The following SCAF4 variants were observed in gnomAD, a reference collection of about 807,000 sequenced individuals.
The protein encoded by SCAF4 is SR-related and CTD-associated factor 4.
SCAF4 carries 25 observed loss-of-function variants against 129.8 expected under a neutral mutation model. That is an observed-to-expected ratio of 0.19 (90% confidence interval 0.14 to 0.27). The LOEUF is 0.27. SCAF4 is among the 10% of genes least tolerant of loss of function. SCAF4 has a pLI of 1.00. For missense variants in SCAF4, 1,246 were observed against 1,457.1 expected (o/e 0.86, Z 2.36); for synonymous variants, 551 against 497.7 (o/e 1.11, Z -1.43).
At chr21:31,679,762 T>G (rs1362675959) in intron 19 of SCAF4, among the ~76,000 whole-genome samples, 1 of 152,196 alleles carries the variant, frequency 6.6e-6, no homozygotes, top group Non-Finnish European at 1.5e-5. Context: ...TAAGTGAAAT[T>G]GGAGAATGAT....
intron 16 of SCAF4, among the ~76,000 whole-genome samples, chr21:31,687,817 A>T (rs2050161633): frequency 6.6e-6 from 1 of 152,106 alleles, no homozygotes; most frequent in Non-Finnish European, 1.5e-5. Flanking sequence ...GGTTGTATAA[A>T]CATTTATGGG....
At chr21:31,703,701 C>T (rs2050587910) in intron 4 of SCAF4, 64 bp downstream of exon 4, 1 of 907,520 alleles carries the variant, frequency 1.1e-6, no homozygotes, top group Non-Finnish European at 1.6e-6. Context: ...CTCCAAATAT[C>T]TAACATACAT....
rs781104536 is a variant in SCAF4, at chr21:31,685,444, T to C, written c.2250A>G (p.Pro750=). The C allele has an allele frequency of 2.7e-5, 43 of 1,613,598 alleles. 1 individual carries two copies. The South Asian group carries it at 4.6e-4, about 17-fold the overall frequency. ...PPGPPPPITP[P]VSIPPPHTPP... ...GAGTGTGAGGAGGAGGAATGGATAC[T>C]GGTGGAGTTATAGGAGGTGGGGGTC... is the stretch of plus-strand genomic sequence containing the variant. Residue 750 remains proline (P), a synonymous_variant, in exon 18 of 20, where the codon CCA becomes CCG. Transcript: ENST00000286835.
intron 9 of SCAF4, among the ~76,000 whole-genome samples, chr21:31,695,852 C>T (rs1475566027): frequency 2.0e-5 from 3 of 152,098 alleles, no homozygotes; most frequent in Admixed American, 6.5e-5. Flanking sequence ...CTAAACAGGT[C>T]GGTTTCTTCA....
intron 19 of SCAF4, among the ~76,000 whole-genome samples, chr21:31,678,048 C>G (rs1012414112): frequency 1.2e-4 from 19 of 152,164 alleles, no homozygotes; most frequent in African/African-American, 4.3e-4. Flanking sequence ...CACCACTTCT[C>G]TATTTACATT....
chr21:31,686,611 T>A (rs1262940136), intron 16 of SCAF4, among the ~76,000 whole-genome samples: 1 of 151,886 alleles, frequency 6.6e-6, no homozygotes, highest in Non-Finnish European at 1.5e-5. Flanking sequence ...TTTTTTAAGA[T>A]AAATTTTAAC....
chr21:31,689,415 A>T (rs1346192462), intron 15 of SCAF4, among the ~76,000 whole-genome samples: 2 of 151,182 alleles, frequency 1.3e-5, no homozygotes, highest in Non-Finnish European at 2.9e-5. Context: ...CTCCAGCCTC[A>T]GCGTTCCAAG....
chr21:31,701,831 C>G lies in SCAF4; in HGVS notation c.545G>C (p.Ser182Thr), dbSNP rs1762317749. The change falls in exon 6 of 20, where the codon AGC becomes ACC. Residue 182 changes from serine (S) to threonine (T), a missense_variant. This residue lies in a region of SCAF4 where 143 missense variants were observed against 161.0 expected (regional missense o/e 0.89). Transcript: ENST00000286835. ...AGCCACAGCAGCAAAAGCATCAGAG[C>G]TGGGCAACTGTGGTACAGCTGGGAC... is the stretch of plus-strand genomic sequence containing the variant. ...NSVPAVPQLPSSDAFAAVAQL... is the reference protein window; with the variant it reads ...NSVPAVPQLPTSDAFAAVAQL... The G allele has an allele frequency of 6.2e-7, 1 of 1,613,980 alleles. No homozygotes were observed. Among genetic ancestry groups the G allele is most frequent in the Non-Finnish European group, 8.5e-7 (1 of 1,179,984 alleles).
chr21:31,689,227 G>A (rs2123517931), intron 15 of SCAF4, among the ~76,000 whole-genome samples: 1 of 152,156 alleles, frequency 6.6e-6, no homozygotes, highest in Non-Finnish European at 1.5e-5. Flanking sequence ...GGAGTGGGAT[G>A]TGGGAATAGT....
rs910767716 is a variant in SCAF4 at position 31,671,126 on chromosome 21, T to G, written c.*273A>C. ...CTTAAATTAAAAAAAAAAAAAAAAATAGAGAGCACTTCTAATTACGATTTG... is the reference window on the plus strand; with the variant it reads ...CTTAAATTAAAAAAAAAAAAAAAAAGAGAGAGCACTTCTAATTACGATTTG... On this transcript the variant is annotated 3_prime_UTR_variant, in exon 20 of 20. Coordinates refer to ENST00000286835, the MANE Select transcript of SCAF4 (RefSeq NM_020706.2). The G allele has an allele frequency of 5.0e-5, 14 of 277,954 alleles. No homozygotes were observed. The highest frequency in any genetic ancestry group is 1.3e-5 in the Non-Finnish European group (2 of 152,522). 17.2% of individuals were successfully genotyped at this position (277,954 alleles called of 1,614,324 possible). A position where few individuals can be genotyped will look rare whatever the true frequency, so the allele number is the denominator to read the frequency against.
chr21:31,723,471 C>CAAACAAAACAAA (rs548725416), intron 1 of SCAF4, among the ~76,000 whole-genome samples: 1 of 151,832 alleles, frequency 6.6e-6, no homozygotes, highest in Non-Finnish European at 1.5e-5. Context: ...CAAAACAAAA[C>CAAACAAAACAAA]AAACAAAACA....
chr21:31,726,706 C>T (rs1050193181), intron 1 of SCAF4, among the ~76,000 whole-genome samples: 7 of 152,168 alleles, frequency 4.6e-5, no homozygotes, highest in African/African-American at 1.7e-4. Context: ...AGTTTGAGAA[C>T]AGCTGTCCTA....
At chr21:31,685,315 T>C (rs2050092243) in intron 18 of SCAF4, 75 bp from the exon 19 acceptor site, 1 of 1,492,598 alleles carries the variant, frequency 6.7e-7, no homozygotes, top group Non-Finnish European at 9.3e-7. Context: ...TATGCCATAC[T>C]ATAGATCCTA....
chr21:31,672,406 GT>G (rs766841131), intron 19 of SCAF4, 52 bp from the exon 20 acceptor site: 1 of 1,349,604 alleles, frequency 7.4e-7, no homozygotes, highest in South Asian at 1.2e-5. Flanking sequence ...TGGCACTCCA[GT>G]TTCAGCTGTG....
At chr21:31,676,660 T>C (rs1176800451) in intron 19 of SCAF4, among the ~76,000 whole-genome samples, 1 of 152,238 alleles carries the variant, frequency 6.6e-6, no homozygotes, top group African/African-American at 2.4e-5. Flanking sequence ...TCCTTCATCC[T>C]GTCTACTCTT....
At chr21:31,699,641 T>C (rs1293340610) in intron 7 of SCAF4, among the ~76,000 whole-genome samples, 1 of 152,186 alleles carries the variant, frequency 6.6e-6, no homozygotes, top group African/African-American at 2.4e-5. Flanking sequence ...TAATTTAGAC[T>C]ATTGGCAATA....
intron 1 of SCAF4, among the ~76,000 whole-genome samples, chr21:31,707,165 T>A (rs2050687508): frequency 1.3e-5 from 2 of 152,114 alleles, no homozygotes; most frequent in South Asian, 4.1e-4. Flanking sequence ...GGGGGGTTAC[T>A]TTTTATATCC....
rs532092567 is a variant in SCAF4, at chr21:31,727,777, G to A, written c.30+3886C>T. ...CTGCACTCCAGCGTGGTGACAGAGC[G>A]GGTCTCCACCTTAAAAAAAAAAAAA... is the stretch of plus-strand genomic sequence containing the variant. On this transcript the variant is annotated intron_variant, in intron 1 of 19. Coordinates refer to ENST00000286835, the MANE Select transcript of SCAF4 (RefSeq NM_020706.2). Among the ~76,000 whole-genome samples the A allele has an allele frequency of 3.2e-3, 491 of 151,712 alleles. 3 individuals are homozygous for A. The highest frequency in any genetic ancestry group is 4.1e-3 in the Non-Finnish European group (280 of 67,940).
intron 1 of SCAF4, among the ~76,000 whole-genome samples, chr21:31,708,220 T>C (rs1299078294): frequency 1.3e-5 from 2 of 151,698 alleles, no homozygotes; most frequent in Admixed American, 1.3e-4. Context: ...AAACCTCATC[T>C]CTACTATAAA....
Sources: allele counts gnomAD v4.1 joint callset (sites outside exome capture counted in the v4.1 genomes callset), GRCh38; gene constraint gnomAD v4.1.1; regional missense constraint gnomAD v4.1.1; transcripts MANE v1.5; gene names NCBI Gene and HGNC (gene_info 2026-07-23, HGNC 2026-07-21).